ANAPC11: variants seen among roughly 807,000 people sequenced by gnomAD.
ANAPC11 encodes the protein anaphase-promoting complex subunit 11.
In ANAPC11, 5 loss-of-function variants were observed where a neutral mutation model predicts 11.8. The ratio of observed to expected loss-of-function variants is 0.42; its 90% CI spans 0.22 to 0.89. The LOEUF is 0.89. Ranked by LOEUF, ANAPC11 falls within the 40% of genes least tolerant of loss-of-function variation. ANAPC11 has a pLI of 0.28. For missense variants in ANAPC11, 68 were observed against 112.9 expected (o/e 0.60, Z 1.80); for synonymous variants, 45 against 41.0 (o/e 1.10, Z -0.38).
upstream of ANAPC11, chr17:81,891,648 A>C (rs1028558710): frequency 2.4e-5 from 31 of 1,285,694 alleles, no homozygotes; most frequent in Non-Finnish European, 9.9e-6. Context: ...TTCCGGTGCC[A>C]CGGCCTCGGA....
chr17:81,896,147 A>C (rs1203140224), intron 3 of ANAPC11, among the ~76,000 whole-genome samples: 1 of 151,206 alleles, frequency 6.6e-6, no homozygotes. Context: ...TTAGCCGGGC[A>C]TGGTGGCAGG....
chr17:81,894,141 AG>A (rs2143533034), intron 2 of ANAPC11, among the ~76,000 whole-genome samples: 1 of 151,930 alleles, frequency 6.6e-6, no homozygotes, highest in East Asian at 1.9e-4. Context: ...TCGGGCGTGG[AG>A]TCACGTGCCT....
upstream of ANAPC11, chr17:81,890,992 C>T: frequency 1.0e-6 from 1 of 971,568 alleles, no homozygotes; most frequent in Non-Finnish European, 1.5e-6. Flanking sequence ...GCCGCACGGT[C>T]CCACCGCGGC....
upstream of ANAPC11, chr17:81,891,211 C>T: frequency 2.1e-6 from 2 of 933,606 alleles, no homozygotes; most frequent in African/African-American, 1.8e-5. Flanking sequence ...TCCGGGCGGC[C>T]GCTCCACCAG....
chr17:81,891,332 G>C, upstream of ANAPC11: 2 of 1,163,660 alleles, frequency 1.7e-6, no homozygotes, highest in Non-Finnish European at 2.1e-6. Flanking sequence ...CCCTGCTGTA[G>C]GGCGCCGGTC....
intron 3 of ANAPC11, chr17:81,898,706 A>C (rs1598303290): frequency 6.4e-6 from 1 of 155,216 alleles, no homozygotes; most frequent in East Asian, 1.9e-4. Context: ...CCCGCATCCC[A>C]GGGGACTCTG....
At position 81,900,123 on chromosome 17, in the gene ANAPC11, C is replaced by T. The variant is rs759383533; in HGVS notation, c.*58C>T. 16 of 1,604,070 alleles carry T rather than the reference C, an allele frequency of 1.0e-5. No homozygotes were observed. The highest frequency in any genetic ancestry group is 4.0e-5 in the African/African-American group (3 of 74,800). On this transcript the variant is annotated 3_prime_UTR_variant, in exon 4 of 4. Coordinates refer to ENST00000344877, the MANE Select transcript of ANAPC11 (RefSeq NM_001002248.3). ...TGAGACTCCTTCCTCATGCTGGCGC[C>T]GATGGCTGCTGGGGACAGCGCCCCT...
In ANAPC11 at chr17:81,900,175, C is replaced by T. The variant is rs1307908207; in HGVS notation, c.*110C>T. On this transcript the variant is annotated 3_prime_UTR_variant, in exon 4 of 4. Transcript: ENST00000344877. ...AGCTGCAACAAGGTGGAAACAAGGGCTGGAGCTGCGTTTGTTTTGCCATCA... is the reference window on the plus strand; with the variant it reads ...AGCTGCAACAAGGTGGAAACAAGGGTTGGAGCTGCGTTTGTTTTGCCATCA... 2.0e-6 allele frequency: 3 copies of T among 1,499,086 alleles called. No homozygotes were observed. Among genetic ancestry groups the T allele is most frequent in the African/African-American group, 1.4e-5 (1 of 71,646 alleles). The allele number at this position is 1,499,086 out of a possible 1,614,324, so 92.9% of individuals were successfully genotyped here.
At chr17:81,891,093 GAACA>G (rs1429686744), upstream of ANAPC11, 14 of 676,318 alleles carry the variant, frequency 2.1e-5, no homozygotes, top group Middle Eastern at 4.3e-4. Flanking sequence ...CCAACGTCCG[GAACA>G]AACAAAGAGC....
At chr17:81,896,798 CTTTTTTTTTTTTTTTT>C (rs1156391578) in intron 3 of ANAPC11, among the ~76,000 whole-genome samples, 5 of 42,876 alleles carry the variant, frequency 1.2e-4, no homozygotes, top group Admixed American at 4.4e-4. Flanking sequence ...GCCTCCTTTG[CTTTTTTTTTTTTTTTT>C]TTTTTTTTTT....
intron 2 of ANAPC11, chr17:81,894,177 G>A (rs184105299): frequency 1.1e-4 from 22 of 204,940 alleles, no homozygotes; most frequent in African/African-American, 3.5e-4. Flanking sequence ...TCAGGAGGCC[G>A]AAGCACAAGA....
chr17:81,899,516 G>A (rs751313643), intron 3 of ANAPC11: 2 of 1,613,788 alleles, frequency 1.2e-6, no homozygotes, highest in Admixed American at 1.7e-5. Context: ...CAGATCAAGT[G>A]TCTGCAGATG....
At chr17:81,890,892 T>G (rs948194085), upstream of ANAPC11, 30 of 1,595,340 alleles carry the variant, frequency 1.9e-5, no homozygotes, top group Non-Finnish European at 2.6e-5. Context: ...TCACGGCTAC[T>G]CCGGACCCTT....
chr17:81,891,076 C>G (rs1361168939), upstream of ANAPC11: 3 of 669,760 alleles, frequency 4.5e-6, no homozygotes, highest in Non-Finnish European at 7.3e-6. Flanking sequence ...TCTCCTGCCA[C>G]GAGGCCCCAA....
intron 3 of ANAPC11, among the ~76,000 whole-genome samples, chr17:81,895,585 C>G (rs1223985138): frequency 6.6e-6 from 1 of 152,002 alleles, no homozygotes; most frequent in Non-Finnish European, 1.5e-5. Flanking sequence ...CCGAGGCGGG[C>G]GGATCACAAG....
chr17:81,891,169 C>T (rs1317942599), upstream of ANAPC11, among the ~76,000 whole-genome samples: 1 of 149,294 alleles, frequency 6.7e-6, no homozygotes, highest in African/African-American at 2.5e-5. Context: ...CCGCCCACCA[C>T]CCCCTCCGCG....
chr17:81,891,266 G>A, upstream of ANAPC11: 1 of 1,081,006 alleles, frequency 9.3e-7, no homozygotes, highest in Non-Finnish European at 1.1e-6. Context: ...AGCGGCCCCG[G>A]CCCCAGCCCC....
intron 1 of ANAPC11, chr17:81,893,072 G>A (rs2039604542): frequency 6.6e-6 from 1 of 150,948 alleles, no homozygotes; most frequent in African/African-American, 2.4e-5. Context: ...GCAGTGGTGC[G>A]ATCTCGGCTC....
Position 81,891,819 on chromosome 17 carries a change from C to T in ANAPC11, c.-97C>T. ...CCTTCCCGCGCGGACGCCGGCGCTG[C>T]CAACGGAAGGGCGGGTAGGGCGGTG... On this transcript the variant is annotated 5_prime_UTR_variant, in exon 1 of 4. Transcript: ENST00000344877. The T allele has an allele frequency of 4.3e-6, 1 of 232,840 alleles. No individual in the cohort carries two copies. The highest frequency in any genetic ancestry group is 8.4e-6 in the Non-Finnish European group (1 of 118,976). The allele number at this position is 232,840 out of a possible 1,614,324, so 14.4% of individuals were successfully genotyped here. A position where few individuals can be genotyped will look rare whatever the true frequency, so the allele number is the denominator to read the frequency against.
Sources: gnomAD v4.1 joint callset for allele counts (sites outside exome capture counted in the v4.1 genomes callset) on GRCh38, gnomAD v4.1.1 for gene constraint, MANE v1.5 for transcripts, NCBI Gene and HGNC (gene_info 2026-07-23, HGNC 2026-07-21) for gene names.